CD101: variants seen among roughly 807,000 people sequenced by gnomAD.
CD101 encodes CD101 molecule.
A neutral mutation model predicts 98.2 loss-of-function variants in CD101; 76 were observed. The ratio of observed to expected loss-of-function variants is 0.77; its 90% CI spans 0.64 to 0.94. CD101 has a LOEUF of 0.94. Ranked by LOEUF, CD101 falls within the 40% of genes least tolerant of loss-of-function variation. The probability of loss-of-function intolerance (pLI) is 0.00; values close to 1 mark genes in which losing one functional copy is unlikely to be tolerated. For synonymous variants in CD101, 471 were observed against 472.7 expected (o/e 1.00, Z 0.05); for missense variants, 1,145 against 1,218.8 (o/e 0.94, Z 0.90).
intron 8 of CD101, among the ~76,000 whole-genome samples, chr1:117,031,065 C>T (rs1462026991): frequency 6.6e-6 from 1 of 152,168 alleles, no homozygotes; most frequent in Non-Finnish European, 1.5e-5. Flanking sequence ...TAATTCTAAT[C>T]CAGATATGGG....
chr1:117,034,315 C>A (rs1654665343), intron 9 of CD101, 181 bp downstream of exon 9: 1 of 587,540 alleles, frequency 1.7e-6, no homozygotes, highest in Non-Finnish European at 3.0e-6. Flanking sequence ...TCGCATCCCC[C>A]CTTGGAACAA....
Position 117,010,100 on chromosome 1 carries a change from G to A in CD101, c.294G>A (p.Arg98=). Residue 98 remains arginine, a synonymous_variant, in exon 2 of 10, where the codon AGG becomes AGA. Coordinates refer to ENST00000682167, the MANE Select transcript of CD101 (RefSeq NM_001256106.3). The surrounding 1 kb of genome is among the most constrained non-coding windows in gnomAD (Gnocchi z 5.2). The part of the protein sequence containing the change: ...RVRSGDVYVE[R]VQGNSVLLHI... ...GAAGCGGAGACGTCTACGTGGAGAG[G>A]GTCCAGGGCAACTCAGTCTTGTTGC... 1.9e-6 allele frequency: 3 copies of A among 1,614,194 alleles called. No individual in the cohort carries two copies. Among genetic ancestry groups the A allele is most frequent in the South Asian group, 2.2e-5 (2 of 91,078 alleles).
At chr1:117,026,350 A>G (rs1653928824) in intron 8 of CD101, 1 of 158,918 alleles carries the variant, frequency 6.3e-6, no homozygotes, top group Non-Finnish European at 1.4e-5. Flanking sequence ...AATGCTGTTG[A>G]GAACATATGG....
At chr1:117,007,220 A>G (rs1652588127) in intron 1 of CD101, among the ~76,000 whole-genome samples, 1 of 152,168 alleles carries the variant, frequency 6.6e-6, no homozygotes, top group African/African-American at 2.4e-5. Flanking sequence ...TAAAATCTGT[A>G]TAATGTCTAC....
chr1:117,002,236 C>A (rs1652271708), intron 1 of CD101, among the ~76,000 whole-genome samples: 1 of 152,194 alleles, frequency 6.6e-6, no homozygotes, highest in Non-Finnish European at 1.5e-5. Flanking sequence ...GATATTAAGG[C>A]TTGATGGGAT....
chr1:117,022,065 A>T lies in CD101; in HGVS notation c.2428+82A>T. On this transcript the variant is annotated intron_variant, in intron 7 of 9. Coordinates refer to ENST00000682167, the MANE Select transcript of CD101 (RefSeq NM_001256106.3). This position sits in a 1 kb window ranked among gnomAD's most constrained non-coding sequence, Gnocchi z 4.8. ...TGGGCAGCTGTTCTATGGAGTGATT[A>T]TGTGGAAGTAAAAATATGACCTAAA... is the stretch of plus-strand genomic sequence containing the variant. The T allele has an allele frequency of 1.4e-6, 2 of 1,437,434 alleles. No homozygotes were observed. The highest frequency in any genetic ancestry group is 9.4e-7 in the Non-Finnish European group (1 of 1,061,020). The allele number at this position is 1,437,434 out of a possible 1,614,324, so 89.0% of individuals were successfully genotyped here. A position where few individuals can be genotyped will look rare whatever the true frequency, so the allele number is the denominator to read the frequency against.
intron 8 of CD101, among the ~76,000 whole-genome samples, chr1:117,027,578 A>C (rs1654021991): frequency 6.6e-6 from 1 of 152,236 alleles, no homozygotes; most frequent in South Asian, 2.1e-4. Context: ...ACTCCTGGTC[A>C]TTGAGAATGG....
rs1654574560 is a variant in CD101, at chr1:117,033,246, C to G, written c.2825-614C>G. Reference sequence around the variant, plus strand: ...AGAGGCTCAGATGCATGGAGCATGTCAGGTGGTGGCCACAGCCAGAGCAAC... The same window carrying G: ...AGAGGCTCAGATGCATGGAGCATGTGAGGTGGTGGCCACAGCCAGAGCAAC... On this transcript the variant is annotated intron_variant, in intron 8 of 9. Coordinates refer to ENST00000682167, the MANE Select transcript of CD101 (RefSeq NM_001256106.3). The surrounding 1 kb of genome is among the most constrained non-coding windows in gnomAD (Gnocchi z 4.8). 6.6e-6 allele frequency: 1 copy of G among 152,648 alleles called. No individual in the cohort carries two copies. The highest frequency in any genetic ancestry group is 1.4e-5 in the Non-Finnish European group (1 of 69,182). 9.5% of individuals were successfully genotyped at this position (152,648 alleles called of 1,614,324 possible).
Position 117,006,362 on chromosome 1 carries a change from A to C in CD101, c.44-3488A>C, listed in dbSNP as rs1048018118. Among the ~76,000 whole-genome samples, 1 of 152,188 alleles carries C rather than the reference A, an allele frequency of 6.6e-6. No individual in the cohort carries two copies. The highest frequency in any genetic ancestry group is 1.5e-5 in the Non-Finnish European group (1 of 68,032). On this transcript the variant is annotated intron_variant, in intron 1 of 9. Transcript: ENST00000682167. This position sits in a 1 kb window ranked among gnomAD's most constrained non-coding sequence, Gnocchi z 4.4. ...TTCTAACTTCCATCATTCTGCACACAAACTGTGAGGTTCATTTTCCTAAAA... is the reference window on the plus strand; with the variant it reads ...TTCTAACTTCCATCATTCTGCACACCAACTGTGAGGTTCATTTTCCTAAAA...
chr1:117,011,962 A>C lies in CD101; in HGVS notation c.837A>C (p.Pro279=), dbSNP rs764920559. Residue 279 remains proline (P), a synonymous_variant, in exon 3 of 10, where the codon CCA becomes CCC. Transcript: ENST00000682167. ...QTDQTTLRIQ[P]AVKDFQVNIT... ...ATCAAACCACTCTGAGGATCCAGCCAGCAGGTAATTATCTTCCTACGAAAT... is the reference window on the plus strand; with the variant it reads ...ATCAAACCACTCTGAGGATCCAGCCCGCAGGTAATTATCTTCCTACGAAAT... 2.1e-5 allele frequency: 34 copies of C among 1,609,858 alleles called. No individual in the cohort carries two copies. The South Asian group carries it at 3.6e-4, about 17-fold the overall frequency.
intron 8 of CD101, among the ~76,000 whole-genome samples, chr1:117,031,827 T>C (rs1367916659): frequency 6.6e-6 from 1 of 152,184 alleles, no homozygotes; most frequent in East Asian, 1.9e-4. Context: ...TAACAGCACA[T>C]TGAAGATTGA....
intron 1 of CD101, among the ~76,000 whole-genome samples, chr1:117,003,333 G>T (rs780332758): frequency 5.3e-5 from 8 of 152,186 alleles, no homozygotes; most frequent in Non-Finnish European, 8.8e-5. Flanking sequence ...CATTGATTGA[G>T]TTGAATTGTG....
intron 8 of CD101, among the ~76,000 whole-genome samples, chr1:117,027,199 A>G (rs1653995717): frequency 6.6e-6 from 1 of 152,244 alleles, no homozygotes. Flanking sequence ...CCCGCTGCAC[A>G]TACATATACA....
In CD101 at chr1:117,018,369, G is replaced by C. The variant is rs759778037; in HGVS notation, c.1826G>C (p.Arg609Pro). 2 of 1,614,112 alleles carry C rather than the reference G, an allele frequency of 1.2e-6. No homozygotes were observed. The highest frequency in any genetic ancestry group is 1.3e-5 in the African/African-American group (1 of 75,042). The change falls in exon 6 of 10, where the codon CGG (arginine) becomes CCG (proline). Residue 609 changes from arginine (R) to proline (P), a missense_variant. Arg to Pro is a moderately radical substitution (Grantham distance 103). Coordinates refer to ENST00000682167, the MANE Select transcript of CD101 (RefSeq NM_001256106.3). This position sits in a 1 kb window ranked among gnomAD's most constrained non-coding sequence, Gnocchi z 4.3. ...GTIEWGNFLS[R>P]FQKKTKVSQS... is the part of the protein sequence containing the mutation. ...ATTGAATGGGGGAATTTCCTATCCC[G>C]GTTCCAAAAGAAGACGAAAGTGTCG... is the stretch of plus-strand genomic sequence containing the variant.
rs575575884 is a variant in CD101 at position 117,017,467 on chromosome 1, T to A, written c.1606T>A (p.Ser536Thr). Residue 536 changes from serine (S) to threonine (T), a missense_variant, in exon 5 of 10, where the codon TCT (serine) becomes ACT (threonine). Coordinates refer to ENST00000682167, the MANE Select transcript of CD101 (RefSeq NM_001256106.3). ...TCAGAAGATTTCAGTTACTGTAAAG[T>A]CTCTGGGTAAGTGTCAAAGGAAGTC... ...WTQKISVTVK[S>T]LESSLQVSLM... 2 of 1,607,628 alleles carry A rather than the reference T, an allele frequency of 1.2e-6. No individual in the cohort carries two copies. The highest frequency in any genetic ancestry group is 2.7e-5 in the African/African-American group (2 of 74,914).
chr1:117,022,114 C>T lies in CD101; in HGVS notation c.2428+131C>T. 1.0e-6 allele frequency: 1 copy of T among 997,624 alleles called. No individual in the cohort carries two copies. The highest frequency in any genetic ancestry group is 1.5e-6 in the Non-Finnish European group (1 of 681,500). The allele number at this position is 997,624 out of a possible 1,614,324, so 61.8% of individuals were successfully genotyped here. The stretch of plus-strand genomic sequence containing the variant: ...AAGTCATAGGAACAGTATCTACCTA[C>T]ACATGACTGCAAGACCGAGTAGTCC... On this transcript the variant is annotated intron_variant, in intron 7 of 9. Coordinates refer to ENST00000682167, the MANE Select transcript of CD101 (RefSeq NM_001256106.3). This position sits in a 1 kb window ranked among gnomAD's most constrained non-coding sequence, Gnocchi z 4.8.
rs377516933 is a variant in CD101 at position 117,017,147 on chromosome 1, C to T, written c.1286C>T (p.Thr429Ile). Reference sequence around the variant, plus strand: ...CAGCAAGTTGTGTGGGAAGGAGAGACACTCGCCTTTCTCTGTAAGGCTGGT... The same window carrying T: ...CAGCAAGTTGTGTGGGAAGGAGAGATACTCGCCTTTCTCTGTAAGGCTGGT... ...NKQQVVWEGE[T>I]LAFLCKAGGA... Residue 429 changes from threonine (T) to isoleucine (I), a missense_variant, in exon 5 of 10, where the codon ACA becomes ATA. Thr to Ile is a moderately conservative substitution (Grantham distance 89). Coordinates refer to ENST00000682167, the MANE Select transcript of CD101 (RefSeq NM_001256106.3). 2.5e-6 allele frequency: 4 copies of T among 1,614,056 alleles called. No individual in the cohort carries two copies. In the African/African-American group the frequency reaches 4.0e-5, roughly 16 times the overall value.
In CD101 at chr1:117,010,266, G is replaced by T; in HGVS notation, c.424+36G>T. The T allele has an allele frequency of 6.4e-7, 1 of 1,573,432 alleles. No individual in the cohort carries two copies. Among genetic ancestry groups the T allele is most frequent in the South Asian group, 1.2e-5 (1 of 84,598 alleles). On this transcript the variant is annotated intron_variant, in intron 2 of 9. Coordinates refer to ENST00000682167, the MANE Select transcript of CD101 (RefSeq NM_001256106.3). The surrounding 1 kb of genome is among the most constrained non-coding windows in gnomAD (Gnocchi z 5.2). ...TGTCCACTTCTGCTAGCCAGCCCCT[G>T]AGAAGCCAGAGTCTCCACCATGACA...
chr1:117,025,294 C>T (rs1653835484), intron 7 of CD101, among the ~76,000 whole-genome samples: 1 of 152,144 alleles, frequency 6.6e-6, no homozygotes, highest in African/African-American at 2.4e-5. Context: ...ACCCAGGAGG[C>T]AGTGGTTGCA....
Sources: allele counts gnomAD v4.1 joint callset (sites outside exome capture counted in the v4.1 genomes callset), GRCh38; gene constraint gnomAD v4.1.1; non-coding constraint Gnocchi (gnomAD v3.1); transcripts MANE v1.5; gene names NCBI Gene and HGNC (gene_info 2026-07-23, HGNC 2026-07-21).